The following CNBD1 variants were observed in gnomAD, a reference collection of about 807,000 sequenced individuals.
The protein encoded by CNBD1 is cyclic nucleotide-binding domain-containing protein 1.
CNBD1 carries 71 observed loss-of-function variants against 54.4 expected under a neutral mutation model. That is an observed-to-expected ratio of 1.30 (90% CI 1.08 to 1.59). The LOEUF (loss-of-function observed/expected upper bound fraction) is 1.59, where lower values mean the gene tolerates loss of function less well. CNBD1 is among the 40% of genes most tolerant of loss of function. The probability of loss-of-function intolerance (pLI) is 0.00; values close to 1 mark genes in which losing one functional copy is unlikely to be tolerated. For synonymous variants in CNBD1, 182 were observed against 170.7 expected (o/e 1.07, Z -0.51); for missense variants, 659 against 518.0 (o/e 1.27, Z -2.64).
At chr8:87,027,801 T>C (rs569708177) in intron 4 of CNBD1, among the ~76,000 whole-genome samples, 52 of 152,340 alleles carry the variant, frequency 3.4e-4, no homozygotes, top group African/African-American at 1.2e-3. Flanking sequence ...GAACATCAGT[T>C]TACCAAATTC....
intron 10 of CNBD1, among the ~76,000 whole-genome samples, chr8:87,354,615 T>A (rs1420574132): frequency 6.6e-6 from 1 of 151,880 alleles, no homozygotes; most frequent in Non-Finnish European, 1.5e-5. Flanking sequence ...GTCCATGTGT[T>A]CTCATTGTTC....
At chr8:87,092,205 A>G (rs1273483910) in intron 4 of CNBD1, among the ~76,000 whole-genome samples, 2 of 152,008 alleles carry the variant, frequency 1.3e-5, no homozygotes, top group East Asian at 3.9e-4. Flanking sequence ...GGCTTTATCT[A>G]TTTCCAGTAA....
At chr8:86,986,234 G>A (rs1808604260) in intron 4 of CNBD1, among the ~76,000 whole-genome samples, 1 of 152,136 alleles carries the variant, frequency 6.6e-6, no homozygotes, top group Non-Finnish European at 1.5e-5. Context: ...AGCCCTCACT[G>A]TGGTTTTGAT....
In CNBD1 at chr8:87,066,393, C is replaced by G. The variant is rs200627977; in HGVS notation, c.431+126639C>G. 2.7e-4 allele frequency among the ~76,000 whole-genome samples: 41 copies of G among 152,088 alleles called. No individual in the cohort carries two copies. In the East Asian group the frequency reaches 7.5e-3, roughly 28 times the overall value. ...TTAAATCCATGGACCAGGACATCCT[C>G]TCCTCTACATGAGTGAGTGCTGCCA... On this transcript the variant is annotated intron_variant, in intron 4 of 10. Transcript: ENST00000518476.
chr8:87,125,786 C>T lies in CNBD1; in HGVS notation c.432-80207C>T, dbSNP rs186555053. Among the ~76,000 whole-genome samples, 191 of 151,490 alleles carry T rather than the reference C, an allele frequency of 1.3e-3. 1 individual carries two copies. Among genetic ancestry groups the T allele is most frequent in the South Asian group, 8.1e-3 (39 of 4,804 alleles). ...ATTCAGGTAATGAACATTCCCATCA[C>T]TTCCTCATTTCCTCATATCTCTTTT... On this transcript the variant is annotated intron_variant, in intron 4 of 10. Transcript: ENST00000518476.
chr8:86,990,696 A>G (rs1450155361), intron 4 of CNBD1, among the ~76,000 whole-genome samples: 1 of 151,932 alleles, frequency 6.6e-6, no homozygotes, highest in African/African-American at 2.4e-5. Context: ...TTTCATATAA[A>G]TTTTCTGATT....
chr8:87,428,172 A>G (rs2130999116), intron 2 of CNBD1, among the ~76,000 whole-genome samples: 1 of 152,218 alleles, frequency 6.6e-6, no homozygotes, highest in East Asian at 1.9e-4. Context: ...AAAAGTCAGA[A>G]AAACAAAAAC....
At chr8:87,126,586 A>G (rs907144072) in intron 4 of CNBD1, among the ~76,000 whole-genome samples, 1 of 152,032 alleles carries the variant, frequency 6.6e-6, no homozygotes, top group Admixed American at 6.6e-5. Flanking sequence ...ATTTTCTCCC[A>G]GTATGACCTA....
rs1478832165 is a variant in CNBD1 at position 87,362,258 on chromosome 8, T to C, written c.1303+8472T>C. Among the ~76,000 whole-genome samples, 10 of 152,080 alleles carry C rather than the reference T, an allele frequency of 6.6e-5. No individual in the cohort carries two copies. The East Asian group carries it at 1.9e-3, about 29-fold the overall frequency. On this transcript the variant is annotated intron_variant, in intron 10 of 10. Transcript: ENST00000518476. ...TGATATTAGAAACAAGGGCACAGTCTCCCTCTTTCAGTCATTAAAATCATA... is the reference window on the plus strand; with the variant it reads ...TGATATTAGAAACAAGGGCACAGTCCCCCTCTTTCAGTCATTAAAATCATA...
chr8:86,918,835 G>A (rs1443190597), intron 3 of CNBD1, among the ~76,000 whole-genome samples: 1 of 149,146 alleles, frequency 6.7e-6, no homozygotes. Context: ...GAGTAAAAGT[G>A]CAATTTTGTG....
intron 4 of CNBD1, among the ~76,000 whole-genome samples, chr8:87,169,773 T>A (rs1270547832): frequency 6.6e-6 from 1 of 152,120 alleles, no homozygotes; most frequent in African/African-American, 2.4e-5. Flanking sequence ...ATGTGTTTGA[T>A]TTTATGCCAG....
intron 8 of CNBD1, among the ~76,000 whole-genome samples, chr8:87,317,508 C>T (rs1252706172): frequency 6.6e-6 from 1 of 150,800 alleles, no homozygotes; most frequent in Admixed American, 6.6e-5. Context: ...ATTTAGTTAC[C>T]ATTTTTCTAT....
intron 6 of CNBD1, among the ~76,000 whole-genome samples, chr8:87,260,031 G>T (rs1808104553): frequency 6.6e-6 from 1 of 152,148 alleles, no homozygotes; most frequent in African/African-American, 2.4e-5. Flanking sequence ...AACCAGAAAA[G>T]ACTCATTTTT....
chr8:86,956,339 TTAAAG>T (rs1807768559), intron 4 of CNBD1, among the ~76,000 whole-genome samples: 1 of 152,214 alleles, frequency 6.6e-6, no homozygotes, highest in African/African-American at 2.4e-5. Context: ...CATATCAACT[TTAAAG>T]TAGTTTTTTC....
intron 2 of CNBD1, among the ~76,000 whole-genome samples, chr8:87,414,730 T>G (rs1243291862): frequency 1.3e-5 from 2 of 152,080 alleles, no homozygotes; most frequent in Non-Finnish European, 2.9e-5. Context: ...ACTTTTAGTT[T>G]GTTTCAAAAT....
chr8:86,993,990 G>A (rs376348309), intron 4 of CNBD1, among the ~76,000 whole-genome samples: 6 of 152,138 alleles, frequency 3.9e-5, no homozygotes, highest in East Asian at 1.9e-4. Flanking sequence ...GGTAGAGGTC[G>A]TGGCAGGGAG....
intron 2 of CNBD1, among the ~76,000 whole-genome samples, chr8:87,416,749 A>G (rs1041335889): frequency 6.6e-6 from 1 of 152,030 alleles, no homozygotes; most frequent in Non-Finnish European, 1.5e-5. Flanking sequence ...GGCTGTGGAT[A>G]AAAATTGAGG....
intron 4 of CNBD1, among the ~76,000 whole-genome samples, chr8:87,173,643 A>T (rs187328688): frequency 8.3e-4 from 123 of 148,676 alleles, no homozygotes; most frequent in South Asian, 1.1e-3. Context: ...TGCCAGACCT[A>T]TTGGAGCTCC....
intron 8 of CNBD1, among the ~76,000 whole-genome samples, chr8:87,347,601 G>A (rs1810199968): frequency 6.6e-6 from 1 of 152,190 alleles, no homozygotes; most frequent in Admixed American, 6.5e-5. Flanking sequence ...GTATAGAGTA[G>A]TCACGGTGAT....
Sources: allele counts gnomAD v4.1 joint callset (sites outside exome capture counted in the v4.1 genomes callset), GRCh38; gene constraint gnomAD v4.1.1; transcripts MANE v1.5; gene names NCBI Gene and HGNC (gene_info 2026-07-23, HGNC 2026-07-21).